FBXL2: variants seen among roughly 807,000 people sequenced by gnomAD.
The protein encoded by FBXL2 is F-box/LRR-repeat protein 2.
In FBXL2, 38 loss-of-function variants were observed where a neutral mutation model predicts 69.2. That is an observed-to-expected ratio of 0.55 (90% CI 0.42 to 0.72). The LOEUF (loss-of-function observed/expected upper bound fraction) is 0.72, where lower values mean the gene tolerates loss of function less well. Ranked by LOEUF, FBXL2 falls within the 30% of genes least tolerant of loss-of-function variation. The pLI is 0.00. For missense variants in FBXL2, 354 were observed against 520.3 expected (o/e 0.68, Z 3.11); for synonymous variants, 192 against 201.3 (o/e 0.95, Z 0.39).
In FBXL2 at chr3:33,289,968, G is replaced by A. The variant is rs150156770; in HGVS notation, c.4-7696G>A. ...CTAGGCTTTTACTGAGGACAAGCCA[G>A]CCTTTGAGAAGGCATAGTCAGGGTA... On this transcript the variant is annotated intron_variant, in intron 1 of 14. Transcript: ENST00000484457. 1.1e-4 allele frequency among the ~76,000 whole-genome samples: 16 copies of A among 152,318 alleles called. No individual in the cohort carries two copies. The East Asian group carries it at 2.9e-3, about 28-fold the overall frequency.
At chr3:33,382,554 T>C (rs2043134217) in intron 13 of FBXL2, 1 of 152,248 alleles carries the variant, frequency 6.6e-6, no homozygotes, top group Admixed American at 6.5e-5. Context: ...TTCTCACTGC[T>C]TTATAGAATG....
intron 12 of FBXL2, 108 bp from the exon 13 acceptor site, chr3:33,378,577 G>A: frequency 8.9e-7 from 1 of 1,123,292 alleles, no homozygotes; most frequent in Non-Finnish European, 1.3e-6. Flanking sequence ...TGTTTGAGAT[G>A]AGTTTTTAAT....
chr3:33,375,800 G>C (rs2042596488), intron 10 of FBXL2, among the ~76,000 whole-genome samples: 1 of 152,108 alleles, frequency 6.6e-6, no homozygotes, highest in South Asian at 2.1e-4. Flanking sequence ...GACAGAATGA[G>C]GGGAATATCA....
At chr3:33,416,268 A>G in the FBXL2 span, among the ~76,000 whole-genome samples, 1 of 152,184 alleles carries the variant, frequency 6.6e-6, no homozygotes, top group African/African-American at 2.4e-5. Context: ...AGGAGGGGCC[A>G]GGGGGCAGGG....
At chr3:33,295,778 TG>T (rs1382133273) in intron 1 of FBXL2, among the ~76,000 whole-genome samples, 1 of 152,234 alleles carries the variant, frequency 6.6e-6, no homozygotes, top group Admixed American at 6.5e-5. Flanking sequence ...GCCAATCCTA[TG>T]GGTATGATGC....
intron 2 of FBXL2, among the ~76,000 whole-genome samples, chr3:33,325,936 A>T (rs2038656172): frequency 6.6e-6 from 1 of 152,174 alleles, no homozygotes; most frequent in Admixed American, 6.5e-5. Context: ...TTCCCCTTGA[A>T]AATATAGAGA....
At chr3:33,286,365 C>G (rs561390170) in intron 1 of FBXL2, among the ~76,000 whole-genome samples, 1 of 152,192 alleles carries the variant, frequency 6.6e-6, no homozygotes, top group Non-Finnish European at 1.5e-5. Context: ...TATTGCAGAA[C>G]GGCAAATGTT....
Position 33,319,612 on chromosome 3 carries a change from T to G in FBXL2, c.65+21887T>G, listed in dbSNP as rs1221665837. ...AATGTGTTTGTTGGAACTTAAGTGGTTCTCTTAAATGTAAGAAATAATACC... is the reference window on the plus strand; with the variant it reads ...AATGTGTTTGTTGGAACTTAAGTGGGTCTCTTAAATGTAAGAAATAATACC... On this transcript the variant is annotated intron_variant, in intron 2 of 14. Coordinates refer to ENST00000484457, the MANE Select transcript of FBXL2 (RefSeq NM_012157.5). 2.0e-5 allele frequency among the ~76,000 whole-genome samples: 3 copies of G among 152,220 alleles called. No individual in the cohort carries two copies. In the East Asian group the frequency reaches 5.8e-4, roughly 29 times the overall value.
the FBXL2 span, among the ~76,000 whole-genome samples, chr3:33,415,217 G>T: frequency 6.6e-6 from 1 of 152,170 alleles, no homozygotes; most frequent in Non-Finnish European, 1.5e-5. Context: ...TCAGGGAACT[G>T]CCCTGGAAAG....
At chr3:33,393,981 G>A (rs937178718) in intron 12 of FBXL2, among the ~76,000 whole-genome samples, 1 of 152,040 alleles carries the variant, frequency 6.6e-6, no homozygotes, top group African/African-American at 2.4e-5. Flanking sequence ...TGTATTTCTA[G>A]CAATATACAA....
At chr3:33,281,436 G>C (rs1312180037) in intron 1 of FBXL2, among the ~76,000 whole-genome samples, 1 of 152,100 alleles carries the variant, frequency 6.6e-6, no homozygotes, top group Non-Finnish European at 1.5e-5. Flanking sequence ...TCTTAATCCA[G>C]TCTATCATTG....
intron 2 of FBXL2, among the ~76,000 whole-genome samples, chr3:33,321,653 C>T (rs1410025040): frequency 6.6e-6 from 1 of 152,148 alleles, no homozygotes; most frequent in Non-Finnish European, 1.5e-5. Context: ...GTGTGAACAT[C>T]GTAGAGTTGA....
intron 10 of FBXL2, 135 bp from the exon 11 acceptor site, chr3:33,377,138 C>A (rs1343134034): frequency 5.1e-6 from 4 of 784,984 alleles, no homozygotes; most frequent in Non-Finnish European, 4.3e-6. Flanking sequence ...GGGCAGGTCA[C>A]ATTCCCTAAG....
rs2035870894 is a variant in FBXL2, at chr3:33,297,745, G to T, written c.65+20G>T. 1 of 1,405,038 alleles carries T rather than the reference G, an allele frequency of 7.1e-7. No homozygotes were observed. Among genetic ancestry groups the T allele is most frequent in the Non-Finnish European group, 1.0e-6 (1 of 1,004,368 alleles). 87.0% of individuals were successfully genotyped at this position (1,405,038 alleles called of 1,614,324 possible). The stretch of plus-strand genomic sequence containing the variant: ...GTTAAGGTAAATGTAGATAAATTCT[G>T]GATGAAGAGTTTAGATCTGATTTAG... On this transcript the variant is annotated intron_variant, in intron 2 of 14. Transcript: ENST00000484457.
intron 2 of FBXL2, among the ~76,000 whole-genome samples, chr3:33,350,421 G>A (rs1417808512): frequency 6.7e-6 from 1 of 148,704 alleles, no homozygotes; most frequent in Non-Finnish European, 1.5e-5. Flanking sequence ...AAGACCTACA[G>A]CTAACATCAT....
chr3:33,383,467 C>A (rs932159082), intron 13 of FBXL2: 1 of 159,990 alleles, frequency 6.3e-6, no homozygotes, highest in Non-Finnish European at 1.4e-5. Flanking sequence ...TCAGATCACA[C>A]TGTTCAAGGT....
intron 1 of FBXL2, among the ~76,000 whole-genome samples, chr3:33,287,236 T>C (rs372356380): frequency 1.3e-5 from 2 of 152,188 alleles, no homozygotes; most frequent in African/African-American, 2.4e-5. Flanking sequence ...AGAGAATTTA[T>C]ATGAGATCTA....
intron 8 of FBXL2, 34 bp downstream of exon 8, chr3:33,373,738 G>C: frequency 6.2e-7 from 1 of 1,614,114 alleles, no homozygotes; most frequent in Non-Finnish European, 8.5e-7. Flanking sequence ...TTTGTGTTAT[G>C]TGTCAGGTGT....
chr3:33,354,506 C>T (rs2041060197), intron 2 of FBXL2, among the ~76,000 whole-genome samples: 2 of 150,632 alleles, frequency 1.3e-5, no homozygotes, highest in South Asian at 4.2e-4. Flanking sequence ...GAGTGAGACT[C>T]CATCTGGAAA....
Sources: allele counts gnomAD v4.1 joint callset (sites outside exome capture counted in the v4.1 genomes callset), GRCh38; gene constraint gnomAD v4.1.1; transcripts MANE v1.5; gene names NCBI Gene and HGNC (gene_info 2026-07-23, HGNC 2026-07-21).